PCDH7: variants seen among roughly 807,000 people sequenced by gnomAD.
PCDH7 encodes protocadherin-7.
In PCDH7, 17 loss-of-function variants were observed where a neutral mutation model predicts 58.9. The ratio of observed to expected loss-of-function variants is 0.29; its 90% CI spans 0.20 to 0.43. PCDH7 has a LOEUF of 0.43. Among genes scored for constraint, PCDH7 ranks in the 20% least tolerant of loss-of-function variants. The probability of loss-of-function intolerance (pLI) is 1.00; values close to 1 mark genes in which losing one functional copy is unlikely to be tolerated. For missense variants in PCDH7, 1,274 were observed against 1,441.0 expected, an observed-to-expected ratio of 0.88 and a Z score of 1.88; for synonymous variants, 664 against 616.4, an observed-to-expected ratio of 1.08 and a Z score of -1.14.
intron 3 of PCDH7, among the ~76,000 whole-genome samples, chr4:31,032,347 C>A (rs1335891988): frequency 6.6e-6 from 1 of 152,146 alleles, no homozygotes; most frequent in East Asian, 1.9e-4. Flanking sequence ...GTGGCTCACG[C>A]CTGTAATCCC....
intron 1 of PCDH7, among the ~76,000 whole-genome samples, chr4:30,898,517 A>G (rs1208918790): frequency 2.6e-5 from 4 of 152,316 alleles, no homozygotes; most frequent in African/African-American, 9.6e-5. Context: ...AATAATCTAG[A>G]TTGCTTGTAA....
chr4:30,793,263 A>G (rs1212420564), intron 1 of PCDH7, among the ~76,000 whole-genome samples: 1 of 152,202 alleles, frequency 6.6e-6, no homozygotes, highest in Non-Finnish European at 1.5e-5. Context: ...GCCCACTTTA[A>G]TACTAGGAAG....
intron 2 of PCDH7, among the ~76,000 whole-genome samples, chr4:30,949,053 T>G (rs1442581796): frequency 1.3e-5 from 2 of 152,176 alleles, no homozygotes; most frequent in Admixed American, 1.3e-4. Context: ...GCCCTGTCTT[T>G]AGAGAAAAAT....
At chr4:30,746,100 A>T (rs1357986553) in intron 1 of PCDH7, among the ~76,000 whole-genome samples, 1 of 152,170 alleles carries the variant, frequency 6.6e-6, no homozygotes, top group Non-Finnish European at 1.5e-5. Flanking sequence ...AAGTGCTGGG[A>T]TTACAGGTGT....
intron 2 of PCDH7, among the ~76,000 whole-genome samples, chr4:30,929,854 A>G (rs1246176827): frequency 6.6e-6 from 1 of 152,126 alleles, no homozygotes; most frequent in African/African-American, 2.4e-5. Context: ...TCAGTTCCTT[A>G]TGAGGCCACA....
At chr4:31,032,209 T>A (rs1156545334) in intron 3 of PCDH7, among the ~76,000 whole-genome samples, 1 of 152,244 alleles carries the variant, frequency 6.6e-6, no homozygotes, top group African/African-American at 2.4e-5. Context: ...ATTATATTTG[T>A]ATAAATTATA....
chr4:30,820,501 A>C (rs960361654), intron 1 of PCDH7, among the ~76,000 whole-genome samples: 4 of 152,164 alleles, frequency 2.6e-5, no homozygotes, highest in Non-Finnish European at 4.4e-5. Context: ...GCAAACAGTG[A>C]AAGATGATAA....
chr4:30,875,957 G>C (rs896987102), intron 1 of PCDH7, among the ~76,000 whole-genome samples: 2 of 152,094 alleles, frequency 1.3e-5, no homozygotes, highest in Non-Finnish European at 2.9e-5. Context: ...GTAGTATGCT[G>C]TTAAAAAGTT....
At position 31,098,561 on chromosome 4, in the gene PCDH7, C is replaced by T. The variant is rs537089538; in HGVS notation, c.*8-43912C>T. On this transcript the variant is annotated intron_variant, in intron 3 of 3. Coordinates refer to the PCDH7 transcript ENST00000509759. ...ATGATTATAGCATGGACTCTGGTAC[C>T]AAACTACTTGGGCTCACATCCGTCT... Among the ~76,000 whole-genome samples, 3 of 152,210 alleles carry T rather than the reference C, an allele frequency of 2.0e-5. No individual in the cohort carries two copies. In the South Asian group the frequency reaches 6.2e-4, roughly 32 times the overall value.
At chr4:30,939,910 C>G (rs745324891) in intron 2 of PCDH7, among the ~76,000 whole-genome samples, 31 of 151,970 alleles carry the variant, frequency 2.0e-4, no homozygotes, top group Non-Finnish European at 4.1e-4. Flanking sequence ...ATGTACAGGG[C>G]CTGCTTTTGA....
At chr4:31,079,309 GATAT>G (rs149501069) in intron 3 of PCDH7, among the ~76,000 whole-genome samples, 738 of 66,590 alleles carry the variant, frequency 0.011, 4 homozygotes, top group Non-Finnish European at 0.014. Flanking sequence ...AATACTGGAA[GATAT>G]ATATATATAT....
At chr4:31,010,905 A>G (rs192320744) in intron 3 of PCDH7, among the ~76,000 whole-genome samples, 2 of 152,136 alleles carry the variant, frequency 1.3e-5, no homozygotes, top group East Asian at 3.9e-4. Flanking sequence ...CCTTTAGAGC[A>G]ATTTTGTAAA....
chr4:30,948,924 G>A (rs1349254460), intron 2 of PCDH7, among the ~76,000 whole-genome samples: 3 of 152,112 alleles, frequency 2.0e-5, no homozygotes, highest in South Asian at 2.1e-4. Context: ...AAGGCTAAAC[G>A]AAAAGAATTA....
At chr4:30,954,578 G>C (rs1253662437) in intron 3 of PCDH7, among the ~76,000 whole-genome samples, 1 of 152,060 alleles carries the variant, frequency 6.6e-6, no homozygotes, top group Non-Finnish European at 1.5e-5. Flanking sequence ...TATCTGCTTT[G>C]CTATCACTGC....
chr4:30,890,108 T>C (rs561239230), intron 1 of PCDH7, among the ~76,000 whole-genome samples: 1 of 152,154 alleles, frequency 6.6e-6, no homozygotes, highest in African/African-American at 2.4e-5. Context: ...ATGTACAGCA[T>C]TTATTTACAG....
intron 3 of PCDH7, among the ~76,000 whole-genome samples, chr4:31,010,457 TA>T (rs1753085098): frequency 6.6e-6 from 1 of 151,900 alleles, no homozygotes; most frequent in Non-Finnish European, 1.5e-5. Context: ...GTAACAGATC[TA>T]AAAAAATTGG....
chr4:31,040,997 G>A (rs1422209809), intron 3 of PCDH7, among the ~76,000 whole-genome samples: 2 of 152,098 alleles, frequency 1.3e-5, no homozygotes, highest in Non-Finnish European at 2.9e-5. Context: ...CACTTTCTGA[G>A]AAAGGAAAAG....
At chr4:31,122,912 TAA>T (rs1315757152) in intron 3 of PCDH7, among the ~76,000 whole-genome samples, 3 of 152,036 alleles carry the variant, frequency 2.0e-5, no homozygotes, top group Admixed American at 6.5e-5. Context: ...CACAAAAGAT[TAA>T]GTTTCAGTTA....
intron 3 of PCDH7, among the ~76,000 whole-genome samples, chr4:30,983,009 A>G (rs1157972425): frequency 1.1e-4 from 17 of 152,230 alleles, no homozygotes; most frequent in Non-Finnish European, 2.5e-4. Context: ...AGTTTGTCAT[A>G]TAGGTAAGTA....
Sources: allele counts gnomAD v4.1 joint callset (sites outside exome capture counted in the v4.1 genomes callset), GRCh38; gene constraint gnomAD v4.1.1; transcripts MANE v1.5; gene names NCBI Gene and HGNC (gene_info 2026-07-23, HGNC 2026-07-21).